The following HCRTR2 variants were observed in gnomAD, a reference collection of about 807,000 sequenced individuals.
The protein encoded by HCRTR2 is hypocretin receptor 2.
HCRTR2 carries 22 observed loss-of-function variants against 49.0 expected under a neutral mutation model. That is an observed-to-expected ratio of 0.45 (90% CI 0.32 to 0.64). The LOEUF is 0.64. HCRTR2 is among the 30% of genes least tolerant of loss of function. The pLI is 0.04. For synonymous variants in HCRTR2, 236 were observed against 205.3 expected, an observed-to-expected ratio of 1.15 and a Z score of -1.28; for missense variants, 491 against 559.4, an observed-to-expected ratio of 0.88 and a Z score of 1.23.
chr6:55,133,662 C>CATCTATCTATCT (rs5876428), intron 1 of HCRTR2, among the ~76,000 whole-genome samples: 21 of 148,780 alleles, frequency 1.4e-4, no homozygotes, highest in African/African-American at 3.2e-4. Flanking sequence ...ATCTATCTAT[C>CATCTATCTATCT]ATCTATCTAT....
At chr6:55,241,646 C>A (rs1165677945) in intron 1 of HCRTR2, among the ~76,000 whole-genome samples, 4 of 152,156 alleles carry the variant, frequency 2.6e-5, no homozygotes, top group South Asian at 4.1e-4. Context: ...ATAAAAATCA[C>A]AGTTGCTGTG....
At chr6:55,246,829 A>G (rs1285260075) in intron 1 of HCRTR2, among the ~76,000 whole-genome samples, 13 of 152,104 alleles carry the variant, frequency 8.5e-5, no homozygotes, top group Non-Finnish European at 1.8e-4. Flanking sequence ...AATGCTTAGA[A>G]CAAGGCACAG....
chr6:55,163,361 C>T (rs1046655689), intron 1 of HCRTR2, among the ~76,000 whole-genome samples: 6 of 151,954 alleles, frequency 3.9e-5, no homozygotes, highest in African/African-American at 1.5e-4. Context: ...CATCATGCTA[C>T]CTAACTTCAA....
intron 1 of HCRTR2, among the ~76,000 whole-genome samples, chr6:55,132,159 A>G (rs1764367574): frequency 1.3e-5 from 2 of 151,890 alleles, no homozygotes; most frequent in Admixed American, 6.6e-5. Flanking sequence ...AAAGTTAATG[A>G]CTATCACAAA....
At chr6:55,160,562 C>A (rs1295247200) in intron 1 of HCRTR2, among the ~76,000 whole-genome samples, 1 of 152,114 alleles carries the variant, frequency 6.6e-6, no homozygotes, top group Non-Finnish European at 1.5e-5. Context: ...AGAGTCAAGA[C>A]CCAACAGTGT....
chr6:55,124,787 T>C (rs1764249918), intron 1 of HCRTR2, among the ~76,000 whole-genome samples: 1 of 152,128 alleles, frequency 6.6e-6, no homozygotes, highest in African/African-American at 2.4e-5. Flanking sequence ...ATGAATCTGT[T>C]TGCTCCTGTA....
At chr6:55,128,032 C>T (rs1417384613) in intron 1 of HCRTR2, among the ~76,000 whole-genome samples, 1 of 152,092 alleles carries the variant, frequency 6.6e-6, no homozygotes, top group Non-Finnish European at 1.5e-5. Context: ...CCCAGGTTGT[C>T]TTCAGAATTT....
At chr6:55,137,768 T>A (rs1764452577) in intron 1 of HCRTR2, among the ~76,000 whole-genome samples, 1 of 152,230 alleles carries the variant, frequency 6.6e-6, no homozygotes, top group Non-Finnish European at 1.5e-5. Flanking sequence ...CTTTACCTAC[T>A]GGGTAACTGT....
At chr6:55,278,542 T>A (rs1164463546) in intron 5 of HCRTR2, among the ~76,000 whole-genome samples, 1 of 152,106 alleles carries the variant, frequency 6.6e-6, no homozygotes, top group African/African-American at 2.4e-5. Flanking sequence ...TTTTGATGGT[T>A]TAACGGCTTT....
At chr6:55,218,820 A>C (rs1765837188) in intron 1 of HCRTR2, among the ~76,000 whole-genome samples, 1 of 152,106 alleles carries the variant, frequency 6.6e-6, no homozygotes, top group Non-Finnish European at 1.5e-5. Context: ...AGGAGATTTT[A>C]ATTCTCAGCT....
intron 1 of HCRTR2, among the ~76,000 whole-genome samples, chr6:55,219,673 T>C (rs1377553940): frequency 6.6e-6 from 1 of 151,822 alleles, no homozygotes; most frequent in Non-Finnish European, 1.5e-5. Context: ...ATACTAAGCC[T>C]AATGTTAGCA....
chr6:55,114,031 A>C (rs1372276330), intron 1 of HCRTR2, among the ~76,000 whole-genome samples: 1 of 151,920 alleles, frequency 6.6e-6, no homozygotes, highest in Non-Finnish European at 1.5e-5. Context: ...AAGTTAAATA[A>C]CTCAGGAATG....
intron 1 of HCRTR2, among the ~76,000 whole-genome samples, chr6:55,129,604 A>G (rs1020099653): frequency 2.0e-5 from 3 of 152,076 alleles, no homozygotes; most frequent in Non-Finnish European, 4.4e-5. Context: ...GACATACACA[A>G]TATCATGTTC....
chr6:55,131,056 C>G (rs1179465809), intron 1 of HCRTR2, among the ~76,000 whole-genome samples: 2 of 151,742 alleles, frequency 1.3e-5, no homozygotes, highest in Non-Finnish European at 3.0e-5. Context: ...GTGAGGTTGA[C>G]TTGAATAAAA....
chr6:55,108,751 G>T (rs1405714830), intron 1 of HCRTR2, among the ~76,000 whole-genome samples: 1 of 152,032 alleles, frequency 6.6e-6, no homozygotes, highest in Non-Finnish European at 1.5e-5. Context: ...GCCACAGGGA[G>T]AAGAAAACAT....
chr6:55,226,089 G>T (rs910930857), intron 1 of HCRTR2, among the ~76,000 whole-genome samples: 1 of 152,186 alleles, frequency 6.6e-6, no homozygotes, highest in South Asian at 2.1e-4. Context: ...TGGGAAATTT[G>T]TAAGAGCAGC....
intron 1 of HCRTR2, among the ~76,000 whole-genome samples, chr6:55,199,482 A>G (rs901240816): frequency 3.9e-5 from 6 of 152,098 alleles, no homozygotes; most frequent in Non-Finnish European, 8.8e-5. Context: ...AATTATTTCA[A>G]ACTGCAAAGT....
At chr6:55,160,571 G>A (rs573729344) in intron 1 of HCRTR2, among the ~76,000 whole-genome samples, 3 of 152,290 alleles carry the variant, frequency 2.0e-5, no homozygotes, top group Non-Finnish European at 2.9e-5. Flanking sequence ...ACCCAACAGT[G>A]TGCTGTATTC....
intron 1 of HCRTR2, among the ~76,000 whole-genome samples, chr6:55,107,289 C>T (rs1406541494): frequency 6.6e-6 from 1 of 152,050 alleles, no homozygotes; most frequent in Non-Finnish European, 1.5e-5. Flanking sequence ...ATATATGACT[C>T]AAAGTAAGTC....
Sources: allele counts gnomAD v4.1 joint callset (sites outside exome capture counted in the v4.1 genomes callset), GRCh38; gene constraint gnomAD v4.1.1; transcripts MANE v1.5; gene names NCBI Gene and HGNC (gene_info 2026-07-23, HGNC 2026-07-21).